The following NLGN1 variants were observed in gnomAD, a reference collection of about 807,000 sequenced individuals.
NLGN1 encodes neuroligin-1.
Under a neutral mutation model 65.5 loss-of-function variants are expected in NLGN1, and 12 were observed. The ratio of observed to expected loss-of-function variants is 0.18; its 90% confidence interval spans 0.12 to 0.30. The LOEUF is 0.30. Among genes scored for constraint, NLGN1 ranks in the 10% least tolerant of loss-of-function variants. The pLI is 1.00. For missense variants in NLGN1, 750 were observed against 1,007.1 expected (o/e 0.74, Z 3.46); for synonymous variants, 350 against 359.5 (o/e 0.97, Z 0.30).
At chr3:173,405,636 A>T (rs1361407340) in intron 1 of NLGN1, among the ~76,000 whole-genome samples, 1 of 152,060 alleles carries the variant, frequency 6.6e-6, no homozygotes, top group African/African-American at 2.4e-5. Context: ...ATATAATCCT[A>T]TCTCTTTTTT....
At chr3:174,086,780 T>C (rs996371775) in intron 4 of NLGN1, among the ~76,000 whole-genome samples, 1 of 152,108 alleles carries the variant, frequency 6.6e-6, no homozygotes, top group Non-Finnish European at 1.5e-5. Context: ...TATGTAACAT[T>C]TATTTTTTTC....
At chr3:173,539,794 A>ATAACACACATATATG (rs1406938953) in intron 2 of NLGN1, among the ~76,000 whole-genome samples, 3 of 98,652 alleles carry the variant, frequency 3.0e-5, no homozygotes, top group South Asian at 8.0e-4. Context: ...ATGTACATAT[A>ATAACACACATATATG]TACATATATA....
intron 2 of NLGN1, among the ~76,000 whole-genome samples, chr3:173,546,574 T>C (rs368368667): frequency 2.0e-5 from 3 of 152,192 alleles, no homozygotes; most frequent in Non-Finnish European, 4.4e-5. Context: ...AAAATGCACA[T>C]AAATTATATT....
chr3:173,447,895 T>C (rs545550069), intron 2 of NLGN1, among the ~76,000 whole-genome samples: 17 of 152,356 alleles, frequency 1.1e-4, no homozygotes, highest in African/African-American at 4.1e-4. Context: ...ATGCTTGTGA[T>C]TTTTGCACAT....
intron 2 of NLGN1, among the ~76,000 whole-genome samples, chr3:173,539,657 G>GCATATATGTACATATATAACATACATATA (rs1738212040): frequency 8.0e-6 from 1 of 124,274 alleles, no homozygotes; most frequent in African/African-American, 3.3e-5. Context: ...TATAACATAT[G>GCATATATGTACATATATAACATACATATA]TGTATATATG....
intron 4 of NLGN1, among the ~76,000 whole-genome samples, chr3:173,906,987 G>A (rs1738551794): frequency 6.6e-6 from 1 of 151,900 alleles, no homozygotes; most frequent in Admixed American, 6.6e-5. Flanking sequence ...AAAATAAATG[G>A]TAAAGTATCT....
At chr3:173,616,304 C>T (rs76179022) in intron 3 of NLGN1, among the ~76,000 whole-genome samples, 1 of 152,082 alleles carries the variant, frequency 6.6e-6, no homozygotes, top group African/African-American at 2.4e-5. Flanking sequence ...TCTCACTTTG[C>T]CAGGATTTTA....
At chr3:173,435,837 GA>G (rs577104263) in intron 2 of NLGN1, among the ~76,000 whole-genome samples, 2 of 151,660 alleles carry the variant, frequency 1.3e-5, no homozygotes, top group Admixed American at 6.6e-5. Flanking sequence ...TCCCTTTAAA[GA>G]AAAAAAATAA....
At chr3:174,121,951 A>C (rs182678468) in intron 4 of NLGN1, among the ~76,000 whole-genome samples, 2 of 152,304 alleles carry the variant, frequency 1.3e-5, no homozygotes, top group East Asian at 3.9e-4. Flanking sequence ...TAAATCAAGC[A>C]GACTTTTCTG....
chr3:174,076,679 TAGAGAGAG>T (rs3979619), intron 4 of NLGN1, among the ~76,000 whole-genome samples: 8,122 of 92,544 alleles, frequency 0.088, 322 homozygotes, highest in Non-Finnish European at 0.1. Context: ...TCTGGGACCA[TAGAGAGAG>T]AGAGAGAGAG....
chr3:174,117,231 G>A (rs922916862), intron 4 of NLGN1, among the ~76,000 whole-genome samples: 2 of 151,048 alleles, frequency 1.3e-5, no homozygotes, highest in African/African-American at 4.9e-5. Context: ...AAAAAAAACT[G>A]GTTCATGTGA....
At chr3:173,615,024 G>T (rs1008500165) in intron 3 of NLGN1, among the ~76,000 whole-genome samples, 1 of 152,232 alleles carries the variant, frequency 6.6e-6, no homozygotes, top group East Asian at 1.9e-4. Flanking sequence ...GGCCAGAGAT[G>T]AGTTGTTTTT....
At chr3:173,941,813 AT>A (rs1203149819) in intron 4 of NLGN1, among the ~76,000 whole-genome samples, 21 of 151,864 alleles carry the variant, frequency 1.4e-4, no homozygotes, top group Non-Finnish European at 2.9e-5. Context: ...CATTTGATGA[AT>A]TATTTAGATT....
chr3:174,007,175 C>A (rs116798944), intron 4 of NLGN1, among the ~76,000 whole-genome samples: 221 of 152,254 alleles, frequency 1.5e-3, no homozygotes, highest in African/African-American at 5.1e-3. Flanking sequence ...TGACCATCTG[C>A]AAGCCAAGAA....
intron 1 of NLGN1, among the ~76,000 whole-genome samples, chr3:173,432,245 G>A (rs1400618927): frequency 6.6e-6 from 1 of 152,176 alleles, no homozygotes; most frequent in Non-Finnish European, 1.5e-5. Context: ...GAAATACCAG[G>A]GGGTGTGATG....
chr3:173,459,785 C>T (rs1397230275), intron 2 of NLGN1, among the ~76,000 whole-genome samples: 5 of 151,984 alleles, frequency 3.3e-5, no homozygotes, highest in Non-Finnish European at 5.9e-5. Context: ...GAGTAATAGG[C>T]AAGTCCTCAG....
At chr3:173,721,061 G>A (rs564916030) in intron 3 of NLGN1, among the ~76,000 whole-genome samples, 9 of 152,160 alleles carry the variant, frequency 5.9e-5, no homozygotes, top group Admixed American at 1.3e-4. Context: ...TAAAGACTGC[G>A]TTTTGAGTGC....
At position 174,096,668 on chromosome 3, in the gene NLGN1, G is replaced by C. The variant is rs16833267; in HGVS notation, c.647-178647G>C. ...TAGAAAACCAATTATAACATGATTTGTAACACTAAAGTCCACCTGGCTTCT... is the reference window on the plus strand; with the variant it reads ...TAGAAAACCAATTATAACATGATTTCTAACACTAAAGTCCACCTGGCTTCT... On this transcript the variant is annotated intron_variant, in intron 4 of 6. Transcript: ENST00000457714. Among the ~76,000 whole-genome samples the C allele has an allele frequency of 2.2e-4, 33 of 152,186 alleles. No individual in the cohort carries two copies. In the East Asian group the frequency reaches 5.8e-3, roughly 27 times the overall value.
intron 4 of NLGN1, among the ~76,000 whole-genome samples, chr3:173,990,345 T>G (rs1262700170): frequency 6.6e-6 from 1 of 152,218 alleles, no homozygotes; most frequent in African/African-American, 2.4e-5. Context: ...CTATTTTCTT[T>G]ATTCTCCTAA....
Sources: allele counts gnomAD v4.1 joint callset (sites outside exome capture counted in the v4.1 genomes callset), GRCh38; gene constraint gnomAD v4.1.1; transcripts MANE v1.5; gene names NCBI Gene and HGNC (gene_info 2026-07-23, HGNC 2026-07-21).